Variants in KAT2B observed in about 807,000 individuals in gnomAD.
KAT2B encodes the protein histone acetyltransferase KAT2B.
KAT2B carries 36 observed loss-of-function variants against 105.9 expected under a neutral mutation model. The ratio of observed to expected loss-of-function variants is 0.34; its 90% CI spans 0.26 to 0.45. The LOEUF (loss-of-function observed/expected upper bound fraction) is 0.45, where lower values mean the gene tolerates loss of function less well. KAT2B is among the 20% of genes least tolerant of loss of function. The pLI is 1.00. For missense variants in KAT2B, 820 were observed against 1,021.6 expected (o/e 0.80, Z 2.69); for synonymous variants, 397 against 377.9 (o/e 1.05, Z -0.59).
At chr3:20,070,731 G>A (rs903681120) in intron 1 of KAT2B, among the ~76,000 whole-genome samples, 20 of 151,828 alleles carry the variant, frequency 1.3e-4, no homozygotes, top group Non-Finnish European at 2.5e-4. Context: ...TTATGCTGCT[G>A]GTCACGGTGG....
At chr3:20,107,474 A>T (rs1450431954) in intron 5 of KAT2B, among the ~76,000 whole-genome samples, 1 of 151,406 alleles carries the variant, frequency 6.6e-6, no homozygotes, top group Admixed American at 6.6e-5. Context: ...CCTGGCCAAC[A>T]TGGTGAAACC....
At chr3:20,100,314 T>C (rs1055825328) in intron 4 of KAT2B, among the ~76,000 whole-genome samples, 3 of 152,188 alleles carry the variant, frequency 2.0e-5, no homozygotes, top group Non-Finnish European at 4.4e-5. Flanking sequence ...AGAAAGCCTA[T>C]TGAGGTGAGG....
At chr3:20,109,694 A>T (rs1257984903) in intron 5 of KAT2B, among the ~76,000 whole-genome samples, 1 of 152,146 alleles carries the variant, frequency 6.6e-6, no homozygotes, top group Non-Finnish European at 1.5e-5. Context: ...GAAAGCAATG[A>T]ATTTCTATAT....
At chr3:20,071,735 G>T (rs888201105) in intron 1 of KAT2B, among the ~76,000 whole-genome samples, 1 of 152,186 alleles carries the variant, frequency 6.6e-6, no homozygotes, top group Admixed American at 6.5e-5. Flanking sequence ...AAATGTACGT[G>T]TAAGTAGAAA....
intron 17 of KAT2B, among the ~76,000 whole-genome samples, chr3:20,150,045 A>C (rs1048700934): frequency 6.6e-6 from 1 of 152,088 alleles, no homozygotes; most frequent in Non-Finnish European, 1.5e-5. Flanking sequence ...CTGCTTTCTG[A>C]AAGTGTTTTG....
intron 11 of KAT2B, among the ~76,000 whole-genome samples, chr3:20,135,021 A>C (rs1263516259): frequency 1.3e-5 from 2 of 152,222 alleles, no homozygotes; most frequent in Non-Finnish European, 2.9e-5. Flanking sequence ...CTCAGTAGCC[A>C]CATGAGGCTA....
chr3:20,151,277 G>A (rs17678713), intron 17 of KAT2B, among the ~76,000 whole-genome samples: 15,167 of 152,234 alleles, frequency 0.1, 957 homozygotes, highest in Admixed American at 0.16. Flanking sequence ...TTTTGTGGTG[G>A]ATTTAGGATA....
At chr3:20,144,602 C>CTTT (rs200001128) in intron 13 of KAT2B, among the ~76,000 whole-genome samples, 1,801 of 143,098 alleles carry the variant, frequency 0.013, 35 homozygotes, top group African/African-American at 0.041. Flanking sequence ...TTTCTTTTTT[C>CTTT]TTTTTTTTTT....
In KAT2B at chr3:20,140,303, G is replaced by A. The variant is rs1699674394; in HGVS notation, c.1943G>A (p.Cys648Tyr). ...KDYEGATLMG[C>Y]ELNPRIPYTE... ...TATGAAGGAGCCACTTTAATGGGATGTGAGCTAAATCCACGGATCCCGTAC... is the reference window on the plus strand; with the variant it reads ...TATGAAGGAGCCACTTTAATGGGATATGAGCTAAATCCACGGATCCCGTAC... Residue 648 changes from cysteine to tyrosine, a missense_variant, in exon 13 of 18, where the codon TGT (cysteine) becomes TAT (tyrosine). By Grantham distance (194) the Cys-to-Tyr change is radical. Coordinates refer to ENST00000263754, the MANE Select transcript of KAT2B (RefSeq NM_003884.5). 2 of 1,612,658 alleles carry A rather than the reference G, an allele frequency of 1.2e-6. No homozygotes were observed. The highest frequency in any genetic ancestry group is 1.7e-6 in the Non-Finnish European group (2 of 1,178,686).
chr3:20,062,240 TATATAATATATA>T (rs1698139118), intron 1 of KAT2B, among the ~76,000 whole-genome samples: 1 of 48,260 alleles, frequency 2.1e-5, no homozygotes, highest in African/African-American at 9.0e-5. Context: ...ATATATAAAA[TATATAATATATA>T]AAATATGATA....
At chr3:20,118,112 T>G (rs1699237217) in intron 7 of KAT2B, among the ~76,000 whole-genome samples, 1 of 149,348 alleles carries the variant, frequency 6.7e-6, no homozygotes, top group Non-Finnish European at 1.5e-5. Context: ...ACTCTTCCCC[T>G]AAGTTATTTA....
chr3:20,099,104 C>T (rs544948705), intron 3 of KAT2B, among the ~76,000 whole-genome samples: 4 of 152,274 alleles, frequency 2.6e-5, no homozygotes, highest in East Asian at 1.9e-4. Flanking sequence ...TTATTTTCTG[C>T]GTTGTTCTTG....
chr3:20,092,100 A>G (rs149656091), intron 2 of KAT2B, among the ~76,000 whole-genome samples: 229 of 152,310 alleles, frequency 1.5e-3, no homozygotes, highest in African/African-American at 5.3e-3. Context: ...TCTTTAAAGT[A>G]TAGTTCAAGC....
intron 11 of KAT2B, 79 bp from the exon 12 acceptor site, chr3:20,136,863 C>A: frequency 1.5e-6 from 1 of 677,500 alleles, no homozygotes. Flanking sequence ...CTTCTGAATT[C>A]ACCATCATTT....
intron 1 of KAT2B, among the ~76,000 whole-genome samples, chr3:20,044,286 T>A (rs1697767896): frequency 6.6e-6 from 1 of 151,820 alleles, no homozygotes; most frequent in Non-Finnish European, 1.5e-5. Flanking sequence ...TTTGAGGCCA[T>A]CCTGGGCAAT....
intron 5 of KAT2B, among the ~76,000 whole-genome samples, chr3:20,104,862 A>G (rs1183950677): frequency 6.7e-6 from 1 of 150,176 alleles, no homozygotes; most frequent in African/African-American, 2.5e-5. Context: ...AAAGAAAAAT[A>G]TAAGTATTCT....
intron 5 of KAT2B, among the ~76,000 whole-genome samples, chr3:20,103,353 A>ATTGTG (rs1698942449): frequency 6.6e-6 from 1 of 152,182 alleles, no homozygotes; most frequent in African/African-American, 2.4e-5. Flanking sequence ...TTCATCAAGA[A>ATTGTG]AAAGGAGAAT....
intron 1 of KAT2B, among the ~76,000 whole-genome samples, chr3:20,067,000 C>T (rs894238823): frequency 2.6e-5 from 4 of 152,138 alleles, no homozygotes; most frequent in Non-Finnish European, 4.4e-5. Flanking sequence ...ACATCTTGGA[C>T]AGCACAGTTG....
intron 2 of KAT2B, among the ~76,000 whole-genome samples, chr3:20,081,010 T>C (rs558657332): frequency 6.6e-6 from 1 of 152,166 alleles, no homozygotes; most frequent in South Asian, 2.1e-4. Flanking sequence ...TAGGCTTCTC[T>C]TTTTTTTCAT....
Sources: gnomAD v4.1 joint callset for allele counts (sites outside exome capture counted in the v4.1 genomes callset) on GRCh38, gnomAD v4.1.1 for gene constraint, MANE v1.5 for transcripts, NCBI Gene and HGNC (gene_info 2026-07-23, HGNC 2026-07-21) for gene names.